Variants in NALF1 observed in about 807,000 individuals in gnomAD.
NALF1 encodes NALCN channel auxiliary factor 1.
Under a neutral mutation model 48.4 loss-of-function variants are expected in NALF1, and 3 were observed. The observed-to-expected ratio is 0.06, with a 90% confidence interval of 0.03 to 0.16. NALF1 has a LOEUF of 0.16. Among genes scored for constraint, NALF1 ranks in the 10% least tolerant of loss-of-function variants. The pLI is 1.00. For synonymous variants in NALF1, 262 were observed against 245.7 expected (o/e 1.07, Z -0.62); for missense variants, 526 against 571.5 (o/e 0.92, Z 0.81).
At chr13:107,690,194 T>C (rs1420215228) in intron 1 of NALF1, among the ~76,000 whole-genome samples, 1 of 152,232 alleles carries the variant, frequency 6.6e-6, no homozygotes, top group East Asian at 1.9e-4. Context: ...GAGACTGTTA[T>C]CCAGTTCTGC....
At chr13:107,657,308 T>C (rs1880608713) in intron 1 of NALF1, among the ~76,000 whole-genome samples, 1 of 152,200 alleles carries the variant, frequency 6.6e-6, no homozygotes, top group African/African-American at 2.4e-5. Context: ...ACTACAAATA[T>C]TTCTTAAAAC....
intron 1 of NALF1, among the ~76,000 whole-genome samples, chr13:107,614,870 C>T (rs550068609): frequency 6.6e-6 from 1 of 151,704 alleles, no homozygotes; most frequent in African/African-American, 2.4e-5. Flanking sequence ...TTCCGCCTCT[C>T]GGTTCAAGTG....
At chr13:107,777,006 T>G (rs767677086) in intron 1 of NALF1, among the ~76,000 whole-genome samples, 7 of 152,064 alleles carry the variant, frequency 4.6e-5, no homozygotes, top group Non-Finnish European at 7.3e-5. Context: ...GGGGGGAAGA[T>G]GCTTGTGCCC....
chr13:107,287,447 G>A (rs1172566435), intron 1 of NALF1, among the ~76,000 whole-genome samples: 1 of 152,094 alleles, frequency 6.6e-6, no homozygotes, highest in Non-Finnish European at 1.5e-5. Flanking sequence ...ACCCTCTCAG[G>A]AGCCTGGGTG....
At chr13:107,391,305 T>G (rs960684135) in intron 1 of NALF1, among the ~76,000 whole-genome samples, 9 of 152,106 alleles carry the variant, frequency 5.9e-5, no homozygotes, top group Non-Finnish European at 8.8e-5. Flanking sequence ...CTACAAACCA[T>G]AAATTCTCAT....
chr13:107,600,895 T>C (rs966307185), intron 1 of NALF1, among the ~76,000 whole-genome samples: 10 of 152,208 alleles, frequency 6.6e-5, no homozygotes, highest in African/African-American at 1.9e-4. Flanking sequence ...GAAGGTATTT[T>C]AGGCAAGTGC....
intron 1 of NALF1, among the ~76,000 whole-genome samples, chr13:107,809,468 T>C (rs926719451): frequency 3.9e-5 from 6 of 152,146 alleles, no homozygotes; most frequent in Non-Finnish European, 7.4e-5. Context: ...ACACTATATG[T>C]ACCATAATTC....
rs1240986711 is a variant in NALF1, at chr13:107,164,398, A to G, written c.*6099T>C. On this transcript the variant is annotated 3_prime_UTR_variant, in exon 3 of 3. Coordinates refer to ENST00000375915, the MANE Select transcript of NALF1 (RefSeq NM_001080396.3). ...TGTTAATTAAAATATATATTAATTCAGTTTAATTAATTTTCATAATAAATG... is the reference window on the plus strand; with the variant it reads ...TGTTAATTAAAATATATATTAATTCGGTTTAATTAATTTTCATAATAAATG... The G allele has an allele frequency of 6.6e-6, 1 of 152,104 alleles. No homozygotes were observed. The highest frequency in any genetic ancestry group is 6.6e-5 in the Admixed American group (1 of 15,264). 9.4% of individuals were successfully genotyped at this position (152,104 alleles called of 1,614,324 possible). A position where few individuals can be genotyped will look rare whatever the true frequency, so the allele number is the denominator to read the frequency against.
At chr13:107,337,251 G>A (rs916349014) in intron 1 of NALF1, among the ~76,000 whole-genome samples, 2 of 151,954 alleles carry the variant, frequency 1.3e-5, no homozygotes, top group Non-Finnish European at 1.5e-5. Context: ...ATATGAAAAT[G>A]CATAATTCTG....
At chr13:107,288,086 T>C (rs1881534150) in intron 1 of NALF1, among the ~76,000 whole-genome samples, 1 of 152,174 alleles carries the variant, frequency 6.6e-6, no homozygotes, top group South Asian at 2.1e-4. Flanking sequence ...ATTTTAGTTA[T>C]TAAAAATTTC....
intron 1 of NALF1, among the ~76,000 whole-genome samples, chr13:107,460,329 A>G (rs9301229): frequency 0.46 from 69,334 of 152,086 alleles, 16,301 homozygotes; most frequent in Middle Eastern, 0.54. Flanking sequence ...ATGGGAGCTC[A>G]GCAACGAGGG....
intron 1 of NALF1, among the ~76,000 whole-genome samples, chr13:107,568,279 C>G (rs1230329167): frequency 6.6e-6 from 1 of 152,222 alleles, no homozygotes; most frequent in Non-Finnish European, 1.5e-5. Context: ...CCATACGCAG[C>G]CTTGTTCCCT....
intron 1 of NALF1, among the ~76,000 whole-genome samples, chr13:107,241,924 G>A (rs1298149440): frequency 1.3e-5 from 2 of 152,148 alleles, no homozygotes; most frequent in Non-Finnish European, 2.9e-5. Context: ...GGCTCCCCAG[G>A]CCCTGGCAGC....
intron 1 of NALF1, among the ~76,000 whole-genome samples, chr13:107,815,901 C>A (rs900033405): frequency 2.6e-5 from 4 of 152,086 alleles, no homozygotes; most frequent in African/African-American, 4.8e-5. Flanking sequence ...CTGTATCATC[C>A]AATTTATGTA....
intron 1 of NALF1, among the ~76,000 whole-genome samples, chr13:107,259,061 C>T (rs1388281275): frequency 3.3e-5 from 5 of 152,084 alleles, no homozygotes; most frequent in African/African-American, 1.2e-4. Context: ...TCCTTCATTA[C>T]ATTTCCACGA....
intron 1 of NALF1, among the ~76,000 whole-genome samples, chr13:107,593,226 C>T (rs1878647883): frequency 6.6e-6 from 1 of 151,780 alleles, no homozygotes; most frequent in African/African-American, 2.4e-5. Flanking sequence ...ACATTTAATG[C>T]TGTACATTAT....
intron 1 of NALF1, among the ~76,000 whole-genome samples, chr13:107,675,286 A>G (rs1881085989): frequency 6.6e-6 from 1 of 152,142 alleles, no homozygotes; most frequent in South Asian, 2.1e-4. Flanking sequence ...ACTGGGCTAT[A>G]GGCTCTGGGG....
chr13:107,762,401 A>T (rs1387850076), intron 1 of NALF1, among the ~76,000 whole-genome samples: 5 of 152,158 alleles, frequency 3.3e-5, no homozygotes, highest in Admixed American at 2.6e-4. Flanking sequence ...CATTGTGCAC[A>T]TATAGCCTAG....
chr13:107,557,220 C>G (rs1877507158), intron 1 of NALF1, among the ~76,000 whole-genome samples: 1 of 152,122 alleles, frequency 6.6e-6, no homozygotes, highest in Non-Finnish European at 1.5e-5. Flanking sequence ...TTAGGGCTTA[C>G]TATGCATTGT....
Sources: allele counts gnomAD v4.1 joint callset (sites outside exome capture counted in the v4.1 genomes callset), GRCh38; gene constraint gnomAD v4.1.1; transcripts MANE v1.5; gene names NCBI Gene and HGNC (gene_info 2026-07-23, HGNC 2026-07-21).